Variants in PRKN observed in about 807,000 individuals in gnomAD.
The protein encoded by PRKN is parkin RBR E3 ubiquitin protein ligase, also known as E3 ubiquitin-protein ligase parkin.
PRKN carries 56 observed loss-of-function variants against 59.5 expected under a neutral mutation model. The observed-to-expected ratio is 0.94, with a 90% CI of 0.76 to 1.18. The LOEUF (loss-of-function observed/expected upper bound fraction) is 1.18, where lower values mean the gene tolerates loss of function less well. Ranked by LOEUF, PRKN falls within the 50% of genes most tolerant of loss-of-function variation. The probability of loss-of-function intolerance (pLI) is 0.00; values close to 1 mark genes in which losing one functional copy is unlikely to be tolerated. For synonymous variants in PRKN, 250 were observed against 222.1 expected, an observed-to-expected ratio of 1.13 and a Z score of -1.12; for missense variants, 657 against 596.4, an observed-to-expected ratio of 1.10 and a Z score of -1.06.
chr6:162,148,451 A>G lies in PRKN; in HGVS notation c.534+52680T>C, dbSNP rs1782121649. Among the ~76,000 whole-genome samples, 3 of 152,238 alleles carry G rather than the reference A, an allele frequency of 2.0e-5. No individual in the cohort carries two copies. The South Asian group carries it at 6.2e-4, about 32-fold the overall frequency. On this transcript the variant is annotated intron_variant, in intron 4 of 11. Coordinates refer to ENST00000366898, the MANE Select transcript of PRKN (RefSeq NM_004562.3). ...AAAACTAAACTATCAAGATTAAGTC[A>G]TGGAGATTTTGAGGTCCCTGTCACA...
rs1357140218 is a variant in PRKN at position 161,442,512 on chromosome 6, C to A, written c.1084-55635G>T. Among the ~76,000 whole-genome samples the A allele has an allele frequency of 6.6e-6, 1 of 152,344 alleles. No individual in the cohort carries two copies. The highest frequency in any genetic ancestry group is 3.4e-3 in the Middle Eastern group (1 of 294). ...TCTTTTGGATAATTCACATGACCTT[C>A]TCCTTAGTGGGCGAGTACAAGAAGG... is the stretch of plus-strand genomic sequence containing the variant. On this transcript the variant is annotated intron_variant, in intron 9 of 11. Transcript: ENST00000366898. This position sits in a 1 kb window ranked among gnomAD's most constrained non-coding sequence, Gnocchi z 4.6.
intron 4 of PRKN, among the ~76,000 whole-genome samples, chr6:162,142,961 T>C (rs1393407742): frequency 6.6e-6 from 1 of 152,246 alleles, no homozygotes; most frequent in Non-Finnish European, 1.5e-5. Context: ...TTTGGACTTT[T>C]TCTCAGTTAA....
At chr6:161,906,659 C>CACATATATATATATATATATATATAT (rs1778154516) in intron 6 of PRKN, among the ~76,000 whole-genome samples, 1 of 116,588 alleles carries the variant, frequency 8.6e-6, no homozygotes, top group Non-Finnish European at 1.8e-5. Context: ...ATAGAACATA[C>CACATATATATATATATATATATATAT]ATATATATAT....
At chr6:162,624,807 C>A (rs1010996223) in intron 1 of PRKN, among the ~76,000 whole-genome samples, 1 of 152,190 alleles carries the variant, frequency 6.6e-6, no homozygotes, top group Non-Finnish European at 1.5e-5. Context: ...AGGTGTGAGA[C>A]ACCATGCCCA....
Position 161,386,859 on chromosome 6 carries a change from A to C in PRKN, c.1102T>G (p.Cys368Gly). Residue 368 changes from cysteine (C) to glycine (G), a missense_variant, in exon 10 of 12, where the codon TGT (cysteine) becomes GGT (glycine). Physicochemically the swap from Cys to Gly is radical, Grantham distance 159. Transcript: ENST00000366898. The surrounding 1 kb of genome is among the most constrained non-coding windows in gnomAD (Gnocchi z 4.3). ...TCCCCTTCATGGTACGCTTCTTTAC[A>C]TTCCCGGCAGAAGGCAAACTGCAAA... ...LGCGFAFCRE[C>G]KEAYHEGECS... is the part of the protein sequence containing the mutation. 6.2e-7 allele frequency: 1 copy of C among 1,614,108 alleles called. No individual in the cohort carries two copies. The highest frequency in any genetic ancestry group is 1.1e-5 in the South Asian group (1 of 91,078).
intron 8 of PRKN, among the ~76,000 whole-genome samples, chr6:161,568,622 C>A (rs1210080801): frequency 6.6e-6 from 1 of 152,146 alleles, no homozygotes; most frequent in Non-Finnish European, 1.5e-5. Flanking sequence ...ATAAATAACA[C>A]TGGAAGTTAG....
chr6:161,623,300 CA>C lies in PRKN; in HGVS notation c.872-53885del, dbSNP rs1457167433. 2.6e-5 allele frequency among the ~76,000 whole-genome samples: 4 copies of C among 152,120 alleles called. No individual in the cohort carries two copies. In the East Asian group the frequency reaches 7.7e-4, roughly 29 times the overall value. ...ATATCCTAGTTTTTCTGCCTCTCTTCAACCATGTTTTCCCTTAAAAAAGATG... is the reference window on the plus strand; with the variant it reads ...ATATCCTAGTTTTTCTGCCTCTCTTCACCATGTTTTCCCTTAAAAAAGATG... On this transcript the variant is annotated intron_variant, in intron 7 of 11. Transcript: ENST00000366898.
At chr6:161,940,070 A>G (rs1779503125) in intron 6 of PRKN, among the ~76,000 whole-genome samples, 1 of 151,982 alleles carries the variant, frequency 6.6e-6, no homozygotes, top group South Asian at 2.1e-4. Context: ...CTAATTTTGC[A>G]TTTTTAGTAG....
chr6:162,512,199 A>T (rs1439273704), intron 1 of PRKN, among the ~76,000 whole-genome samples: 4 of 152,194 alleles, frequency 2.6e-5, no homozygotes, highest in African/African-American at 9.6e-5. Context: ...CCTTACTAAA[A>T]ATGGGTTGTG....
At position 162,209,651 on chromosome 6, in the gene PRKN, C is replaced by G. The variant is rs183031024; in HGVS notation, c.413-8399G>C. On this transcript the variant is annotated intron_variant, in intron 3 of 11. Coordinates refer to ENST00000366898, the MANE Select transcript of PRKN (RefSeq NM_004562.3). ...AAATCATGCTGCTAATAAAGACACA[C>G]GCACATGTTTGCTTATTGCAGTACT... Among the ~76,000 whole-genome samples, 289 of 152,238 alleles carry G rather than the reference C, an allele frequency of 1.9e-3. 2 individuals are homozygous for G. The highest frequency in any genetic ancestry group is 3.1e-3 in the Non-Finnish European group (208 of 68,014).
intron 9 of PRKN, among the ~76,000 whole-genome samples, chr6:161,406,703 T>A (rs767027056): frequency 6.6e-6 from 1 of 152,194 alleles, no homozygotes; most frequent in Non-Finnish European, 1.5e-5. Flanking sequence ...GCAAAATGGA[T>A]CCTTCTCTCT....
At chr6:162,036,422 CAGGGTGGAGTGCA>C (rs1223409582) in intron 5 of PRKN, among the ~76,000 whole-genome samples, 3 of 151,830 alleles carry the variant, frequency 2.0e-5, no homozygotes, top group Non-Finnish European at 4.4e-5. Context: ...TCTTGTTGCC[CAGGGTGGAGTGCA>C]ACGGCAGGAT....
chr6:161,743,880 C>T (rs922563683), intron 7 of PRKN, among the ~76,000 whole-genome samples: 2 of 152,120 alleles, frequency 1.3e-5, no homozygotes. Context: ...CCCTATGGTC[C>T]CTGAATATAA....
intron 10 of PRKN, among the ~76,000 whole-genome samples, chr6:161,381,913 C>T (rs557643940): frequency 1.8e-4 from 28 of 151,944 alleles, no homozygotes; most frequent in Non-Finnish European, 3.7e-4. Context: ...GAGATTGAGA[C>T]CATCCTGGCT....
Position 161,877,296 on chromosome 6 carries a change from C to A in PRKN, c.735-91388G>T, listed in dbSNP as rs540104092. 3.3e-5 allele frequency among the ~76,000 whole-genome samples: 5 copies of A among 152,188 alleles called. No individual in the cohort carries two copies. In the South Asian group the frequency reaches 1.0e-3, roughly 32 times the overall value. On this transcript the variant is annotated intron_variant, in intron 6 of 11. Coordinates refer to ENST00000366898, the MANE Select transcript of PRKN (RefSeq NM_004562.3). ...CCTGCTAGGTGAGGACAGCCTCAGG[C>A]TCCTGTGAAGGGCTCATGTTCCTGA...
chr6:161,874,968 A>G (rs1562356560), intron 6 of PRKN, among the ~76,000 whole-genome samples: 1 of 91,138 alleles, frequency 1.1e-5, no homozygotes, highest in Non-Finnish European at 1.8e-5. Context: ...TATATAATAT[A>G]TAATTTATTA....
intron 7 of PRKN, among the ~76,000 whole-genome samples, chr6:161,645,154 C>T (rs1484577786): frequency 6.6e-6 from 1 of 151,768 alleles, no homozygotes; most frequent in Non-Finnish European, 1.5e-5. Context: ...TCTGACTCTA[C>T]TTCCTACTAT....
At chr6:162,442,382 T>C (rs1790099252) in intron 2 of PRKN, among the ~76,000 whole-genome samples, 1 of 152,132 alleles carries the variant, frequency 6.6e-6, no homozygotes, top group Admixed American at 6.5e-5. Context: ...ATCTGCAGGG[T>C]CCTTCACAGT....
rs1055370402 is a variant in PRKN at position 161,363,596 on chromosome 6, G to A, written c.1168-3391C>T. 1.1e-4 allele frequency among the ~76,000 whole-genome samples: 16 copies of A among 152,242 alleles called. No homozygotes were observed. Among genetic ancestry groups the A allele is most frequent in the Admixed American group, 4.6e-4 (7 of 15,286 alleles). The stretch of plus-strand genomic sequence containing the variant: ...GTTTTTCTAAGTAGAGTTCTGGAAG[G>A]AGATAACAAAGAGCATGAGAGAGAA... On this transcript the variant is annotated intron_variant, in intron 10 of 11. Coordinates refer to ENST00000366898, the MANE Select transcript of PRKN (RefSeq NM_004562.3). The surrounding 1 kb of genome is among the most constrained non-coding windows in gnomAD (Gnocchi z 4.1).
Sources: gnomAD v4.1 joint callset for allele counts (sites outside exome capture counted in the v4.1 genomes callset) on GRCh38, gnomAD v4.1.1 for gene constraint, Gnocchi (gnomAD v3.1) non-coding constraint, MANE v1.5 for transcripts, NCBI Gene and HGNC (gene_info 2026-07-23, HGNC 2026-07-21) for gene names.